SLCO4A1: variants seen among roughly 807,000 people sequenced by gnomAD.
SLCO4A1 encodes colon organic anion transporter.
SLCO4A1 carries 51 observed loss-of-function variants against 64.6 expected under a neutral mutation model. The observed-to-expected ratio is 0.79, with a 90% CI of 0.63 to 1.00. The LOEUF (loss-of-function observed/expected upper bound fraction) is 1.00, where lower values mean the gene tolerates loss of function less well. Among genes scored for constraint, SLCO4A1 ranks in the 50% least tolerant of loss-of-function variants. The pLI is 0.00. For synonymous variants in SLCO4A1, 471 were observed against 444.9 expected (o/e 1.06, Z -0.74); for missense variants, 919 against 980.5 (o/e 0.94, Z 0.84).
chr20:62,662,745 T>TC (rs1347836275), intron 5 of SLCO4A1, among the ~76,000 whole-genome samples: 5 of 94,750 alleles, frequency 5.3e-5, no homozygotes, highest in Admixed American at 1.1e-4. Context: ...CCCAGCCCCA[T>TC]CCCCCCATAT....
At chr20:62,647,227 G>A (rs1981509033) in intron 1 of SLCO4A1, among the ~76,000 whole-genome samples, 1 of 152,234 alleles carries the variant, frequency 6.6e-6, no homozygotes, top group African/African-American at 2.4e-5. Flanking sequence ...GGAGATAGAG[G>A]AGAGAGTCCC....
rs75880235 is a variant in SLCO4A1 at position 62,666,534 on chromosome 20, C to T, written c.1431C>T (p.Pro477=). 1,385 of 1,613,286 alleles carry T rather than the reference C, an allele frequency of 8.6e-4. 19 individuals are homozygous for T. In the African/African-American group the frequency reaches 0.016, roughly 19 times the overall value. Residue 477 remains proline, a synonymous_variant, in exon 7 of 12, where the codon CCC becomes CCT. Transcript: ENST00000217159. ...LGILVFSLHC[P]SVPMAGVTAS... ...TCCTCGTCTTCTCACTGCACTGCCC[C>T]AGTGTGCCCATGGCGGGCGTCACAG... is the stretch of plus-strand genomic sequence containing the variant.
rs200513387 is a variant in SLCO4A1 at position 62,665,114 on chromosome 20, C to T, written c.1276+26C>T. 1.5e-5 allele frequency: 24 copies of T among 1,591,098 alleles called. No individual in the cohort carries two copies. In the East Asian group the frequency reaches 4.9e-4, roughly 33 times the overall value. On this transcript the variant is annotated intron_variant, in intron 6 of 11. Coordinates refer to ENST00000217159, the MANE Select transcript of SLCO4A1 (RefSeq NM_016354.4). ...GTGAGAAAACTGAATCTTGGGGGTC[C>T]TCTGCTTTTATGTCAGTTCTCAGAA... is the stretch of plus-strand genomic sequence containing the variant.
At chr20:62,679,570 C>T (rs1987738181) in intron 2 of SLCO4A1, among the ~76,000 whole-genome samples, 1 of 152,096 alleles carries the variant, frequency 6.6e-6, no homozygotes, top group African/African-American at 2.4e-5. Flanking sequence ...GCTATGTTGC[C>T]CAGGCTCGTT....
rs1487234066 is a variant in SLCO4A1, at chr20:62,661,226, T to C, written c.1121+51T>C. 3 of 1,322,954 alleles carry C rather than the reference T, an allele frequency of 2.3e-6. No individual in the cohort carries two copies. The Admixed American group carries it at 5.0e-5, about 22-fold the overall frequency. 82.0% of individuals were successfully genotyped at this position (1,322,954 alleles called of 1,614,324 possible). ...CTAGTGTCCTCAGACCCTTTAATGG[T>C]CCCCATCTTGGGGGAGTCGTTGAGA... On this transcript the variant is annotated intron_variant, in intron 5 of 11. Coordinates refer to ENST00000217159, the MANE Select transcript of SLCO4A1 (RefSeq NM_016354.4). The surrounding 1 kb of genome is among the most constrained non-coding windows in gnomAD (Gnocchi z 5.2).
downstream of SLCO4A1, among the ~76,000 whole-genome samples, chr20:62,674,120 G>C (rs1315476966): frequency 6.6e-6 from 1 of 152,318 alleles, no homozygotes; most frequent in East Asian, 1.9e-4. Flanking sequence ...GCGGATGCCT[G>C]CCCTCAAGCC....
At chr20:62,681,098 C>T (rs554114127) in intron 2 of SLCO4A1, among the ~76,000 whole-genome samples, 2 of 152,174 alleles carry the variant, frequency 1.3e-5, no homozygotes, top group Non-Finnish European at 2.9e-5. Flanking sequence ...AATTTTGTTG[C>T]CCAGGCTGGT....
chr20:62,682,051 C>T (rs1987857779), intron 2 of SLCO4A1, among the ~76,000 whole-genome samples: 1 of 152,240 alleles, frequency 6.6e-6, no homozygotes, highest in Non-Finnish European at 1.5e-5. Context: ...CGTAACTTCA[C>T]TCACCCAGAT....
chr20:62,674,081 TC>T (rs977254034), downstream of SLCO4A1, among the ~76,000 whole-genome samples: 2 of 152,120 alleles, frequency 1.3e-5, no homozygotes, highest in African/African-American at 4.8e-5. Flanking sequence ...GCCAGCCATC[TC>T]CTCCTAGAGT....
At chr20:62,649,276 G>C (rs775389556) in intron 1 of SLCO4A1, 1 of 152,246 alleles carries the variant, frequency 6.6e-6, no homozygotes, top group African/African-American at 2.4e-5. Context: ...CACAGGAGGA[G>C]GCCCTCTCAC....
Position 62,661,041 on chromosome 20 carries a change from C to CCCCCCCCCCCCCCAAA in SLCO4A1, c.1010-23_1010-22insCCCCCCCCCCCCCAAA. On this transcript the variant is annotated intron_variant, in intron 4 of 11. Transcript: ENST00000217159. The surrounding 1 kb of genome is among the most constrained non-coding windows in gnomAD (Gnocchi z 5.2). The stretch of plus-strand genomic sequence containing the variant: ...TCCGGGAGCCCCCAGCCCCCAGCCC[C>CCCCCCCCCCCCCCAAA]AGCTCACTCTGTGCCCTTCCAGGCT... The CCCCCCCCCCCCCCAAA allele has an allele frequency of 4.2e-6, 6 of 1,424,132 alleles. No individual in the cohort carries two copies. The highest frequency in any genetic ancestry group is 1.4e-5 in the African/African-American group (1 of 71,932). 88.2% of individuals were successfully genotyped at this position (1,424,132 alleles called of 1,614,324 possible).
In SLCO4A1 at chr20:62,656,782, T is replaced by C. The variant is rs1251266822; in HGVS notation, c.328T>C (p.Cys110Arg). 3.1e-6 allele frequency: 5 copies of C among 1,612,874 alleles called. No individual in the cohort carries two copies. The highest frequency in any genetic ancestry group is 4.2e-6 in the Non-Finnish European group (5 of 1,179,920). Residue 110 changes from cysteine to arginine, a missense_variant, in exon 2 of 12, where the codon TGT (cysteine) becomes CGT (arginine). By Grantham distance (180) the Cys-to-Arg change is radical. Coordinates refer to ENST00000217159, the MANE Select transcript of SLCO4A1 (RefSeq NM_016354.4). ...NTPKGILFFL[C>R]AAAFLQGMTV... ...GCCCAAGGGCATCCTGTTCTTCCTG[T>C]GTGCGGCCGCATTCCTGCAGGGGAT...
intron 3 of SLCO4A1, among the ~76,000 whole-genome samples, chr20:62,659,310 C>A (rs1228538011): frequency 3.9e-5 from 6 of 151,996 alleles, no homozygotes. Context: ...TCCTTGCTGA[C>A]CGCCAGTGCT....
chr20:62,662,896 C>T (rs1985303276), intron 5 of SLCO4A1: 1 of 152,230 alleles, frequency 6.6e-6, no homozygotes. Context: ...ACCCCACATG[C>T]CAGAACTGGC....
At chr20:62,680,959 C>T (rs761440710) in intron 2 of SLCO4A1, among the ~76,000 whole-genome samples, 13 of 152,322 alleles carry the variant, frequency 8.5e-5, no homozygotes, top group African/African-American at 2.6e-4. Context: ...GGCTGGATCA[C>T]GGTGGCATGA....
intron 1 of SLCO4A1, among the ~76,000 whole-genome samples, chr20:62,656,020 C>T (rs1436363012): frequency 2.6e-5 from 4 of 152,236 alleles, no homozygotes; most frequent in East Asian, 1.9e-4. Context: ...CTCTCCACCG[C>T]GTGGCCCCAT....
chr20:62,648,185 T>C (rs968812982), intron 1 of SLCO4A1, among the ~76,000 whole-genome samples: 1 of 152,188 alleles, frequency 6.6e-6, no homozygotes, highest in East Asian at 1.9e-4. Flanking sequence ...GCGGGGTTGT[T>C]GTGGGTTAGA....
downstream of SLCO4A1, among the ~76,000 whole-genome samples, chr20:62,686,853 TG>T (rs952022576): frequency 1.3e-5 from 2 of 151,754 alleles, no homozygotes; most frequent in African/African-American, 4.8e-5. Context: ...ACAGGCACGA[TG>T]GGTAGGGCAC....
intron 2 of SLCO4A1, 86 bp from the exon 3 acceptor site, chr20:62,658,591 G>T (rs984243239): frequency 9.5e-7 from 1 of 1,055,076 alleles, no homozygotes; most frequent in Non-Finnish European, 1.4e-6. Context: ...CGGGTGCGGG[G>T]CTTCTCCCAG....
Sources: gnomAD v4.1 joint callset for allele counts (sites outside exome capture counted in the v4.1 genomes callset) on GRCh38, gnomAD v4.1.1 for gene constraint, Gnocchi (gnomAD v3.1) non-coding constraint, MANE v1.5 for transcripts, NCBI Gene and HGNC (gene_info 2026-07-23, HGNC 2026-07-21) for gene names.